FBXO41: variants seen among roughly 807,000 people sequenced by gnomAD.
The protein encoded by FBXO41 is F-box only protein 41.
A neutral mutation model predicts 81.6 loss-of-function variants in FBXO41; 33 were observed. The observed-to-expected ratio is 0.40, with a 90% confidence interval of 0.31 to 0.54. The LOEUF (loss-of-function observed/expected upper bound fraction) is 0.54. Ranked by LOEUF, FBXO41 falls within the 20% of genes least tolerant of loss-of-function variation. The probability of loss-of-function intolerance (pLI) is 0.39; values close to 1 mark genes in which losing one functional copy is unlikely to be tolerated. For synonymous variants in FBXO41, 576 were observed against 552.7 expected, an observed-to-expected ratio of 1.04 and a Z score of -0.59; for missense variants, 1,107 against 1,236.0, an observed-to-expected ratio of 0.90 and a Z score of 1.56.
chr2:73,266,708 C>T lies in FBXO41; in HGVS notation c.906-26G>A. The T allele has an allele frequency of 6.6e-7, 1 of 1,524,324 alleles. No individual in the cohort carries two copies. Among genetic ancestry groups the T allele is most frequent in the Non-Finnish European group, 8.8e-7 (1 of 1,134,966 alleles). The allele number at this position is 1,524,324 out of a possible 1,614,324, so 94.4% of individuals were successfully genotyped here. A position where few individuals can be genotyped will look rare whatever the true frequency, so the allele number is the denominator to read the frequency against. On this transcript the variant is annotated intron_variant, in intron 2 of 12. Transcript: ENST00000520530. The surrounding 1 kb of genome is among the most constrained non-coding windows in gnomAD (Gnocchi z 5.3). ...CTGGGCCCAGAGCAGTCTCTTACCCCAGAGCCTCAGCCTGCCTGCCCACCC... is the reference window on the plus strand; with the variant it reads ...CTGGGCCCAGAGCAGTCTCTTACCCTAGAGCCTCAGCCTGCCTGCCCACCC...
chr2:73,279,083 G>A (rs1215048735), intron 1 of FBXO41, among the ~76,000 whole-genome samples: 2 of 152,186 alleles, frequency 1.3e-5, no homozygotes, highest in Non-Finnish European at 2.9e-5. Context: ...TAGCAGGAGT[G>A]CAAATGGGGA....
intron 1 of FBXO41, among the ~76,000 whole-genome samples, chr2:73,281,854 A>G (rs1331258333): frequency 1.3e-5 from 2 of 152,362 alleles, no homozygotes; most frequent in East Asian, 1.9e-4. Context: ...AACTAAAACC[A>G]TGATAAACTA....
At chr2:73,282,882 C>T (rs765038521) in intron 1 of FBXO41, among the ~76,000 whole-genome samples, 6 of 152,156 alleles carry the variant, frequency 3.9e-5, no homozygotes, top group Non-Finnish European at 8.8e-5. Context: ...CCCTGCCTCC[C>T]GGTCCCCACC....
chr2:73,281,713 G>A (rs1266950621), intron 1 of FBXO41, among the ~76,000 whole-genome samples: 1 of 152,258 alleles, frequency 6.6e-6, no homozygotes, highest in African/African-American at 2.4e-5. Context: ...CTGTGTGAGA[G>A]TCTACGTGAG....
In FBXO41 at chr2:73,269,481, G is replaced by T. The variant is rs371769594; in HGVS notation, c.150C>A (p.Gly50=). Residue 50 remains glycine (G), a synonymous_variant, in exon 2 of 13, where the codon GGC becomes GGA. Coordinates refer to ENST00000520530, the MANE Select transcript of FBXO41 (RefSeq NM_001371389.2). This position sits in a 1 kb window ranked among gnomAD's most constrained non-coding sequence, Gnocchi z 7.0. ...CGGCGGCGGCCGCGGCGGCGGCGGC[G>T]CCGTCGCAGATGCTGTTGGTCTTGG... ...ILSKTNSICD[G]AAAAAAAAAA... The T allele has an allele frequency of 8.9e-5, 114 of 1,284,988 alleles. No individual in the cohort carries two copies. The highest frequency in any genetic ancestry group is 1.1e-4 in the Non-Finnish European group (108 of 1,012,154). 79.6% of individuals were successfully genotyped at this position (1,284,988 alleles called of 1,614,324 possible).
In FBXO41 at chr2:73,258,857, C is replaced by A; in HGVS notation, c.*125G>T. ...GGAGGAGGACAGGAGACTTGACAGT[C>A]CCCCTCCAGAAGCCAGGGATAACAC... On this transcript the variant is annotated 3_prime_UTR_variant, in exon 13 of 13. Transcript: ENST00000520530. The A allele has an allele frequency of 3.8e-6, 4 of 1,057,278 alleles. No individual in the cohort carries two copies. Among genetic ancestry groups the A allele is most frequent in the Non-Finnish European group, 5.3e-6 (4 of 749,652 alleles). The allele number at this position is 1,057,278 out of a possible 1,614,324, so 65.5% of individuals were successfully genotyped here.
chr2:73,265,392 T>A lies in FBXO41; in HGVS notation c.1454A>T (p.Asp485Val), dbSNP rs1334969157. 4 of 1,611,314 alleles carry A rather than the reference T, an allele frequency of 2.5e-6. No individual in the cohort carries two copies. Among genetic ancestry groups the A allele is most frequent in the Non-Finnish European group, 3.4e-6 (4 of 1,179,724 alleles). ...GGTTCGGGAGCCAACGTCGGAGACA[T>A]CACCCTCTTCCCCCTCAGTGCTGTG... The part of the protein sequence containing the change: ...RRHSTEGEEG[D>V]VSDVGSRTTE... The change falls in exon 5 of 13, where the codon GAT becomes GTT. Residue 485 changes from aspartate to valine, a missense_variant. Transcript: ENST00000520530.
rs1017422743 is a variant in FBXO41 at position 73,257,470 on chromosome 2, T to G, written c.*1512A>C. On this transcript the variant is annotated 3_prime_UTR_variant, in exon 13 of 13. Coordinates refer to ENST00000520530, the MANE Select transcript of FBXO41 (RefSeq NM_001371389.2). The surrounding 1 kb of genome is among the most constrained non-coding windows in gnomAD (Gnocchi z 4.6). ...GTCCAAGCCAGGTTGTGTTAGGAAG[T>G]TGGGTCCCTGGGAAGGACTGGGTAA... The G allele has an allele frequency of 1.3e-5, 2 of 151,932 alleles. No individual in the cohort carries two copies. Among genetic ancestry groups the G allele is most frequent in the Admixed American group, 6.6e-5 (1 of 15,254 alleles). 9.4% of individuals were successfully genotyped at this position (151,932 alleles called of 1,614,324 possible). A position where few individuals can be genotyped will look rare whatever the true frequency, so the allele number is the denominator to read the frequency against.
chr2:73,267,949 C>T (rs1271986062), intron 2 of FBXO41, among the ~76,000 whole-genome samples: 20 of 152,198 alleles, frequency 1.3e-4, no homozygotes, highest in South Asian at 1.2e-3. Context: ...TTTGTAGCAT[C>T]GGAAAATCAA....
chr2:73,269,399 C>A lies in FBXO41; in HGVS notation c.232G>T (p.Gly78Cys). The A allele has an allele frequency of 1.4e-6, 2 of 1,460,496 alleles. No homozygotes were observed. The highest frequency in any genetic ancestry group is 1.8e-6 in the Non-Finnish European group (2 of 1,110,354). 90.5% of individuals were successfully genotyped at this position (1,460,496 alleles called of 1,614,324 possible). The change falls in exon 2 of 13, where the codon GGC becomes TGC. Residue 78 changes from glycine to cysteine, a missense_variant. Physicochemically the swap from Gly to Cys is radical, Grantham distance 159. This residue lies in a region of FBXO41 where 771 missense variants were observed against 789.2 expected (regional missense o/e 0.98). Transcript: ENST00000520530. The surrounding 1 kb of genome is among the most constrained non-coding windows in gnomAD (Gnocchi z 7.0). ...CTCTCGAAGACCTCTCGCCGGGCGC[C>A]GGGCACGGCCAGCAGGGCGGCGGGC... ...PEPAALLAVPGARREVFESTS... is the reference protein window; with the variant it reads ...PEPAALLAVPCARREVFESTS...
chr2:73,276,601 A>AGAGAGG (rs1688695018), intron 1 of FBXO41, among the ~76,000 whole-genome samples: 2 of 84,506 alleles, frequency 2.4e-5, no homozygotes, highest in Admixed American at 1.2e-4. Context: ...AGAGAGAGAG[A>AGAGAGG]GAGGGAGAGA....
chr2:73,279,612 C>T (rs538459606), intron 1 of FBXO41, among the ~76,000 whole-genome samples: 1 of 152,162 alleles, frequency 6.6e-6, no homozygotes, highest in Non-Finnish European at 1.5e-5. Flanking sequence ...CAAGTAAGAG[C>T]AGAAGAGGGA....
chr2:73,270,709 C>T (rs912782755), intron 1 of FBXO41: 4 of 482,164 alleles, frequency 8.3e-6, no homozygotes, highest in Non-Finnish European at 1.7e-5. Flanking sequence ...TCCCTCCATC[C>T]CCCCACCAAT....
chr2:73,279,267 T>C (rs767066950), intron 1 of FBXO41, among the ~76,000 whole-genome samples: 14 of 152,004 alleles, frequency 9.2e-5, no homozygotes, highest in Non-Finnish European at 1.6e-4. Context: ...AAGGCAAGTT[T>C]TGAAGGGAGA....
In FBXO41 at chr2:73,258,966, C is replaced by T; in HGVS notation, c.*16G>A. ...TGGTGTGGGGCTGGCAGGGGCCCTG[C>T]CGCCCCCTACCCGGGTTAGCAGCCG... is the stretch of plus-strand genomic sequence containing the variant. On this transcript the variant is annotated 3_prime_UTR_variant, in exon 13 of 13. Coordinates refer to ENST00000520530, the MANE Select transcript of FBXO41 (RefSeq NM_001371389.2). 1.3e-6 allele frequency: 2 copies of T among 1,561,602 alleles called. No homozygotes were observed. Among genetic ancestry groups the T allele is most frequent in the Non-Finnish European group, 1.7e-6 (2 of 1,153,250 alleles).
In FBXO41 at chr2:73,266,183, A is replaced by AG. The variant is rs1286917438; in HGVS notation, c.1132-218dup. On this transcript the variant is annotated intron_variant, in intron 3 of 12. Transcript: ENST00000520530. This position sits in a 1 kb window ranked among gnomAD's most constrained non-coding sequence, Gnocchi z 5.3. ...ACACCCACACAATACCCTGGACCCCAGCTTGTGGCTCCTGGACTCTCATTT... is the reference window on the plus strand; with the variant it reads ...ACACCCACACAATACCCTGGACCCCAGGCTTGTGGCTCCTGGACTCTCATTT... 1.3e-5 allele frequency among the ~76,000 whole-genome samples: 2 copies of AG among 152,158 alleles called. No individual in the cohort carries two copies. The highest frequency in any genetic ancestry group is 2.9e-5 in the Non-Finnish European group (2 of 68,014).
intron 9 of FBXO41, among the ~76,000 whole-genome samples, chr2:73,262,838 C>T (rs375155387): frequency 2.0e-5 from 3 of 152,284 alleles, no homozygotes; most frequent in African/African-American, 7.2e-5. Context: ...CTCTGCCTCC[C>T]AGGTTCAAGC....
In FBXO41 at chr2:73,269,741, AG is replaced by A; in HGVS notation, c.-112del. On this transcript the variant is annotated 5_prime_UTR_variant, in exon 2 of 13. Transcript: ENST00000520530. The surrounding 1 kb of genome is among the most constrained non-coding windows in gnomAD (Gnocchi z 7.0). Reference sequence around the variant, plus strand: ...GCCCCCTGCGGGGTCAGGAAGGCTCAGGGCGCCCGCGGCCTGGGGCGAGGAG... The same window carrying A: ...GCCCCCTGCGGGGTCAGGAAGGCTCAGGCGCCCGCGGCCTGGGGCGAGGAG... 1 of 708,740 alleles carries A rather than the reference AG, an allele frequency of 1.4e-6. No individual in the cohort carries two copies. The highest frequency in any genetic ancestry group is 7.0e-5 in the East Asian group (1 of 14,218). The allele number at this position is 708,740 out of a possible 1,614,324, so 43.9% of individuals were successfully genotyped here.
rs568313768 is a variant in FBXO41, at chr2:73,265,943, G to A, written c.1155C>T (p.Ala385=). 200 of 1,582,184 alleles carry A rather than the reference G, an allele frequency of 1.3e-4. No homozygotes were observed. The highest frequency in any genetic ancestry group is 1.9e-4 in the African/African-American group (14 of 74,496). The change falls in exon 4 of 13, where the codon GCC becomes GCT. Residue 385 remains alanine (A), a synonymous_variant. Transcript: ENST00000520530. ...GTGACACTGCATATGTGTTAGGCAC[G>A]GCCGGGCCCACGTGGTGTTCTCGCT... is the stretch of plus-strand genomic sequence containing the variant. ...GRMREHHVGP[A]VPNTYAVSRH...
Sources: gnomAD v4.1 joint callset for allele counts (sites outside exome capture counted in the v4.1 genomes callset) on GRCh38, gnomAD v4.1.1 for gene constraint, gnomAD v4.1.1 regional missense constraint, Gnocchi (gnomAD v3.1) non-coding constraint, MANE v1.5 for transcripts, NCBI Gene and HGNC (gene_info 2026-07-23, HGNC 2026-07-21) for gene names.